Variants in PCDHA10 observed in about 807,000 individuals in gnomAD.
PCDHA10 encodes the protein protocadherin alpha 10, also known as protocadherin alpha-10.
In PCDHA10, 45 loss-of-function variants were observed where a neutral mutation model predicts 61.2. That is an observed-to-expected ratio of 0.74 (90% CI 0.58 to 0.94). The LOEUF is 0.94. PCDHA10 is among the 40% of genes least tolerant of loss of function. The probability of loss-of-function intolerance (pLI) is 0.00; values close to 1 mark genes in which losing one functional copy is unlikely to be tolerated. For missense variants in PCDHA10, 1,278 were observed against 1,236.2 expected, an observed-to-expected ratio of 1.03 and a Z score of -0.51; for synonymous variants, 602 against 548.8, an observed-to-expected ratio of 1.10 and a Z score of -1.35.
intron 1 of PCDHA10, among the ~76,000 whole-genome samples, chr5:140,907,290 G>T (rs1554192922): frequency 1.3e-5 from 2 of 152,200 alleles, no homozygotes; most frequent in East Asian, 3.8e-4. Context: ...CAATCCAGCT[G>T]CTTCAGGATG....
rs782451627 is a variant in PCDHA10, at chr5:140,857,451, C to T, written c.1403C>T (p.Pro468Leu). 2 of 1,598,488 alleles carry T rather than the reference C, an allele frequency of 1.3e-6. No individual in the cohort carries two copies. The highest frequency in any genetic ancestry group is 1.7e-6 in the Non-Finnish European group (2 of 1,167,870). Reference protein sequence around the residue: ...EYTVFVKENNPPGCHIFTVSA... With the variant: ...EYTVFVKENNLPGCHIFTVSA... ...ACGGTGTTCGTGAAGGAGAACAACC[C>T]GCCAGGCTGCCACATCTTCACGGTG... Residue 468 changes from proline to leucine, a missense_variant, in exon 1 of 4, where the codon CCG becomes CTG. Pro to Leu is a moderately conservative substitution (Grantham distance 98). Transcript: ENST00000307360.
At chr5:140,945,001 G>A (rs2093722890) in intron 1 of PCDHA10, among the ~76,000 whole-genome samples, 1 of 151,990 alleles carries the variant, frequency 6.6e-6, no homozygotes, top group African/African-American at 2.4e-5. Context: ...ACGGTTGTGG[G>A]TCATGAATTA....
intron 3 of PCDHA10, among the ~76,000 whole-genome samples, chr5:141,006,502 C>T (rs987435396): frequency 1.8e-4 from 28 of 152,118 alleles, no homozygotes; most frequent in African/African-American, 2.9e-4. Context: ...TGTGAGCCAC[C>T]GCGCCTGGCT....
intron 1 of PCDHA10, among the ~76,000 whole-genome samples, chr5:140,952,031 A>G (rs782611414): frequency 1.6e-4 from 24 of 152,232 alleles, no homozygotes; most frequent in Admixed American, 4.6e-4. Context: ...TCCGAAATCC[A>G]GTAGGGCAGT....
intron 1 of PCDHA10, among the ~76,000 whole-genome samples, chr5:140,964,181 T>A (rs1563333888): frequency 6.6e-6 from 1 of 152,218 alleles, no homozygotes; most frequent in African/African-American, 2.4e-5. Context: ...ATCATTATAG[T>A]GCCAAATAGA....
Position 140,879,336 on chromosome 5 carries a change from AG to A in PCDHA10, c.2388+20901del, listed in dbSNP as rs1391403992. Among the ~76,000 whole-genome samples, 16 of 152,362 alleles carry A rather than the reference AG, an allele frequency of 1.1e-4. No individual in the cohort carries two copies. In the East Asian group the frequency reaches 2.9e-3, roughly 28 times the overall value. ...TGACTCTCACTTTTTTAGTTTGTTC[AG>A]CTGAGAAGATGACATTGCCATTAAC... On this transcript the variant is annotated intron_variant, in intron 1 of 3. Transcript: ENST00000307360.
chr5:140,944,242 C>T (rs969404044), intron 1 of PCDHA10, among the ~76,000 whole-genome samples: 1 of 152,172 alleles, frequency 6.6e-6, no homozygotes, highest in African/African-American at 2.4e-5. Flanking sequence ...GGCTGGAGTG[C>T]AGTGATGTGA....
At chr5:141,000,393 CTCTATATATA>C (rs1279908183) in intron 3 of PCDHA10, among the ~76,000 whole-genome samples, 25 of 52,852 alleles carry the variant, frequency 4.7e-4, no homozygotes, top group South Asian at 8.2e-4. Flanking sequence ...CTCTCTCTCT[CTCTATATATA>C]TATATATATA....
chr5:140,884,244 T>C, intron 1 of PCDHA10: 1 of 1,613,386 alleles, frequency 6.2e-7, no homozygotes, highest in Non-Finnish European at 8.5e-7. Flanking sequence ...GAGCCCGCGC[T>C]GACGGCCACG....
intron 3 of PCDHA10, among the ~76,000 whole-genome samples, chr5:141,000,680 T>C (rs953789526): frequency 1.3e-5 from 2 of 151,376 alleles, no homozygotes; most frequent in African/African-American, 2.4e-5. Flanking sequence ...CACCTGCCTC[T>C]GCCTCCCAAA....
At chr5:140,965,853 A>G (rs1554227879) in intron 1 of PCDHA10, among the ~76,000 whole-genome samples, 2 of 152,220 alleles carry the variant, frequency 1.3e-5, no homozygotes, top group Non-Finnish European at 2.9e-5. Flanking sequence ...CAAGGCACAC[A>G]CTGAAAATAA....
rs185281311 is a variant in PCDHA10 at position 140,896,058 on chromosome 5, G to A, written c.2388+37622G>A. The stretch of plus-strand genomic sequence containing the variant: ...ACTCCTGACCTCAGGTGATCCGCCT[G>A]CCTCGGCCTCCCAACATGCTGGGAT... On this transcript the variant is annotated intron_variant, in intron 1 of 3. Coordinates refer to ENST00000307360, the MANE Select transcript of PCDHA10 (RefSeq NM_018901.4). 4.1e-3 allele frequency among the ~76,000 whole-genome samples: 624 copies of A among 152,238 alleles called. 2 individuals carry two copies. The highest frequency in any genetic ancestry group is 6.8e-3 in the Middle Eastern group (2 of 294).
At chr5:140,962,405 C>A (rs2095680586) in intron 1 of PCDHA10, among the ~76,000 whole-genome samples, 1 of 152,200 alleles carries the variant, frequency 6.6e-6, no homozygotes, top group South Asian at 2.1e-4. Context: ...TGCCCCAAAC[C>A]TGTCTCTCCC....
chr5:140,904,423 T>TTA (rs1304104435), intron 1 of PCDHA10, among the ~76,000 whole-genome samples: 1 of 151,090 alleles, frequency 6.6e-6, no homozygotes. Flanking sequence ...TACATATATT[T>TTA]TATATATATG....
At chr5:140,862,809 G>A in intron 1 of PCDHA10, 1 of 572,722 alleles carries the variant, frequency 1.7e-6, no homozygotes, top group Non-Finnish European at 3.4e-6. Context: ...AGCTGCTGCA[G>A]TTCTAGGTGA....
At chr5:140,881,648 CCTT>C (rs1554172342) in intron 1 of PCDHA10, among the ~76,000 whole-genome samples, 4 of 152,182 alleles carry the variant, frequency 2.6e-5, no homozygotes, top group African/African-American at 9.7e-5. Flanking sequence ...ATATTTTTCA[CCTT>C]CACCGATTTT....
At chr5:140,922,144 A>C (rs906517842) in intron 1 of PCDHA10, among the ~76,000 whole-genome samples, 5 of 151,922 alleles carry the variant, frequency 3.3e-5, no homozygotes, top group African/African-American at 1.2e-4. Flanking sequence ...TCCTCCATGA[A>C]ACTCATCAAA....
At chr5:140,943,927 A>G (rs1407165466) in intron 1 of PCDHA10, among the ~76,000 whole-genome samples, 2 of 152,236 alleles carry the variant, frequency 1.3e-5, no homozygotes, top group East Asian at 1.9e-4. Flanking sequence ...GAGCAGCTTT[A>G]GAAGTGTGGT....
Position 140,856,808 on chromosome 5 carries a change from C to G in PCDHA10, c.760C>G (p.Gln254Glu), listed in dbSNP as rs1554149136. Residue 254 changes from glutamine (Q) to glutamate (E), a missense_variant, in exon 1 of 4, where the codon CAA (glutamine) becomes GAA (glutamate). Transcript: ENST00000307360. ...TTATGAAGTTAAGATGTATGAAAAT[C>G]AAGTGAACCAAACATTAGTAATACG... is the stretch of plus-strand genomic sequence containing the variant. Reference protein sequence around the residue: ...PVYEVKMYENQVNQTLVIRLN... With the variant: ...PVYEVKMYENEVNQTLVIRLN... 1 of 1,594,492 alleles carries G rather than the reference C, an allele frequency of 6.3e-7. No individual in the cohort carries two copies.
Sources: allele counts gnomAD v4.1 joint callset (sites outside exome capture counted in the v4.1 genomes callset), GRCh38; gene constraint gnomAD v4.1.1; transcripts MANE v1.5; gene names NCBI Gene and HGNC (gene_info 2026-07-23, HGNC 2026-07-21).